CHRM3: variants seen among roughly 807,000 people sequenced by gnomAD.
CHRM3 encodes the protein cholinergic receptor muscarinic 3, also known as muscarinic acetylcholine receptor M3.
A neutral mutation model predicts 41.8 loss-of-function variants in CHRM3; 11 were observed. The observed-to-expected ratio is 0.26, with a 90% CI of 0.17 to 0.44. The LOEUF is 0.44. CHRM3 is among the 20% of genes least tolerant of loss of function. The pLI is 1.00. For synonymous variants in CHRM3, 297 were observed against 301.4 expected (o/e 0.99, Z 0.15); for missense variants, 571 against 745.4 (o/e 0.77, Z 2.72).
Position 239,911,145 on chromosome 1 carries a change from T to C in CHRM3, c.*1921T>C, listed in dbSNP as rs1680344707. The C allele has an allele frequency of 6.0e-6, 1 of 166,768 alleles. No homozygotes were observed. The highest frequency in any genetic ancestry group is 1.5e-5 in the Non-Finnish European group (1 of 68,090). 10.3% of individuals were successfully genotyped at this position (166,768 alleles called of 1,614,324 possible). ...CAAGCACCTAACTCTTTCTAGGTAATAAAAAGTCAACGGTCACTTCAACGT... is the reference window on the plus strand; with the variant it reads ...CAAGCACCTAACTCTTTCTAGGTAACAAAAAGTCAACGGTCACTTCAACGT... On this transcript the variant is annotated 3_prime_UTR_variant, in exon 7 of 7. Coordinates refer to ENST00000676153, the MANE Select transcript of CHRM3 (RefSeq NM_001375978.1).
At chr1:239,678,897 T>C (rs6693851) in intron 5 of CHRM3, among the ~76,000 whole-genome samples, 50,606 of 151,978 alleles carry the variant, frequency 0.33, 8,785 homozygotes, top group Middle Eastern at 0.49. Context: ...GTTTAATGAA[T>C]TCTCTTGAAG....
intron 3 of CHRM3, among the ~76,000 whole-genome samples, chr1:239,583,499 C>T (rs1366858456): frequency 6.6e-6 from 1 of 152,042 alleles, no homozygotes; most frequent in African/African-American, 2.4e-5. Context: ...GAAGACGGGA[C>T]GTCGACACAG....
chr1:239,514,535 TACATAGAAAGTCA>T (rs1669135754), intron 2 of CHRM3, among the ~76,000 whole-genome samples: 2 of 151,898 alleles, frequency 1.3e-5, no homozygotes, highest in East Asian at 3.9e-4. Context: ...CTGGATTTTC[TACATAGAAAGTCA>T]TGCCATCTAC....
intron 6 of CHRM3, among the ~76,000 whole-genome samples, chr1:239,859,822 TATATATATATA>T (rs1558186181): frequency 4.3e-4 from 14 of 32,658 alleles, no homozygotes; most frequent in South Asian, 1.4e-3. Context: ...AAGTGTTTTA[TATATATATATA>T]TATATATATA....
intron 4 of CHRM3, among the ~76,000 whole-genome samples, chr1:239,666,350 A>G (rs1172335367): frequency 8.9e-6 from 1 of 111,988 alleles, no homozygotes; most frequent in Middle Eastern, 3.9e-3. Context: ...GCCTGCCACC[A>G]CACCCAGCAA....
intron 5 of CHRM3, among the ~76,000 whole-genome samples, chr1:239,757,988 T>C (rs1324423478): frequency 6.6e-6 from 1 of 152,212 alleles, no homozygotes; most frequent in African/African-American, 2.4e-5. Context: ...GGTTATTTCA[T>C]ATAATTAAGT....
chr1:239,654,737 G>T (rs1397469520), intron 4 of CHRM3, among the ~76,000 whole-genome samples: 1 of 152,170 alleles, frequency 6.6e-6, no homozygotes, highest in African/African-American at 2.4e-5. Flanking sequence ...CATTATCAGG[G>T]CTGTAATATT....
chr1:239,464,959 T>C (rs977130248), intron 1 of CHRM3, among the ~76,000 whole-genome samples: 3 of 152,126 alleles, frequency 2.0e-5, no homozygotes, highest in Non-Finnish European at 4.4e-5. Flanking sequence ...ATATGCAGAA[T>C]GGATAAATAA....
intron 1 of CHRM3, among the ~76,000 whole-genome samples, chr1:239,473,605 A>G (rs1423772898): frequency 6.6e-6 from 1 of 152,170 alleles, no homozygotes; most frequent in East Asian, 1.9e-4. Context: ...TAATAATTTT[A>G]TAATAATGAA....
intron 5 of CHRM3, among the ~76,000 whole-genome samples, chr1:239,682,832 C>A (rs1242184050): frequency 6.6e-6 from 1 of 152,118 alleles, no homozygotes; most frequent in African/African-American, 2.4e-5. Context: ...TGTTATTTCT[C>A]TGGCACCTTT....
At chr1:239,778,151 T>A (rs1205592503) in intron 5 of CHRM3, among the ~76,000 whole-genome samples, 1 of 152,164 alleles carries the variant, frequency 6.6e-6, no homozygotes, top group Non-Finnish European at 1.5e-5. Context: ...GGTTGACCTT[T>A]GACCATCTGC....
At chr1:239,415,251 C>A (rs1283735372) in intron 1 of CHRM3, among the ~76,000 whole-genome samples, 1 of 152,102 alleles carries the variant, frequency 6.6e-6, no homozygotes, top group Admixed American at 6.6e-5. Flanking sequence ...ACCAGCCTGG[C>A]CAACATGGTG....
intron 1 of CHRM3, among the ~76,000 whole-genome samples, chr1:239,407,086 T>C (rs1162962326): frequency 6.6e-6 from 1 of 152,208 alleles, no homozygotes. Context: ...TTTTTTGTTG[T>C]TGTCTCTATC....
At chr1:239,722,438 T>A (rs939844907) in intron 5 of CHRM3, among the ~76,000 whole-genome samples, 16 of 152,060 alleles carry the variant, frequency 1.1e-4, no homozygotes, top group Non-Finnish European at 2.4e-4. Context: ...AAGACTTTCC[T>A]CTTGCAATTT....
In CHRM3 at chr1:239,631,346, C is replaced by T. The variant is rs145261074; in HGVS notation, c.-312-878C>T. 1.9e-3 allele frequency among the ~76,000 whole-genome samples: 290 copies of T among 152,240 alleles called. 2 individuals carry two copies. Among genetic ancestry groups the T allele is most frequent in the African/African-American group, 6.7e-3 (277 of 41,548 alleles). ...GCTGAGAAAAATCCCTCCACATGCA[C>T]CTCTAGGATCCTTCTACTTCTTACC... On this transcript the variant is annotated intron_variant, in intron 3 of 6. Coordinates refer to ENST00000676153, the MANE Select transcript of CHRM3 (RefSeq NM_001375978.1).
chr1:239,885,480 T>C (rs979110247), intron 6 of CHRM3, among the ~76,000 whole-genome samples: 1 of 152,174 alleles, frequency 6.6e-6, no homozygotes, highest in African/African-American at 2.4e-5. Context: ...TCTAATTAAG[T>C]GAGTCGGCTT....
chr1:239,865,312 AG>A (rs1676000079), intron 6 of CHRM3, among the ~76,000 whole-genome samples: 1 of 152,238 alleles, frequency 6.6e-6, no homozygotes, highest in Non-Finnish European at 1.5e-5. Context: ...TATGCATAAA[AG>A]GAATCTTAAG....
chr1:239,393,916 T>C (rs1236587013), intron 1 of CHRM3, among the ~76,000 whole-genome samples: 1 of 152,196 alleles, frequency 6.6e-6, no homozygotes, highest in Non-Finnish European at 1.5e-5. Flanking sequence ...AATCATTCCA[T>C]CTATCTACCT....
intron 3 of CHRM3, among the ~76,000 whole-genome samples, chr1:239,581,252 A>G (rs936929041): frequency 6.6e-6 from 1 of 152,136 alleles, no homozygotes; most frequent in Non-Finnish European, 1.5e-5. Context: ...AGATTATAGA[A>G]AAGTTATTTT....
Sources: gnomAD v4.1 joint callset for allele counts (sites outside exome capture counted in the v4.1 genomes callset) on GRCh38, gnomAD v4.1.1 for gene constraint, MANE v1.5 for transcripts, NCBI Gene and HGNC (gene_info 2026-07-23, HGNC 2026-07-21) for gene names.